Variants in ELMO1 observed in about 807,000 individuals in gnomAD.
ELMO1 encodes engulfment and cell motility 1, also known as engulfment and cell motility protein 1.
A neutral mutation model predicts 98.9 loss-of-function variants in ELMO1; 26 were observed. The ratio of observed to expected loss-of-function variants is 0.26; its 90% CI spans 0.19 to 0.36. The LOEUF is 0.36. Ranked by LOEUF, ELMO1 falls within the 10% of genes least tolerant of loss-of-function variation. The probability of loss-of-function intolerance (pLI) is 1.00; values close to 1 mark genes in which losing one functional copy is unlikely to be tolerated. For synonymous variants in ELMO1, 346 were observed against 346.0 expected (o/e 1.00, Z 0.00); for missense variants, 627 against 935.2 (o/e 0.67, Z 4.30).
intron 4 of ELMO1, among the ~76,000 whole-genome samples, chr7:37,305,542 C>G (rs1046908372): frequency 2.0e-5 from 3 of 151,994 alleles, no homozygotes; most frequent in Admixed American, 6.6e-5. Context: ...CTTTTTAACA[C>G]CATTTTAAGA....
At chr7:37,145,736 A>G (rs888244532) in intron 13 of ELMO1, among the ~76,000 whole-genome samples, 1 of 152,264 alleles carries the variant, frequency 6.6e-6, no homozygotes. Context: ...TTCAGGAGTT[A>G]ATATTTGTGT....
chr7:37,389,620 G>A (rs894277286), intron 1 of ELMO1, among the ~76,000 whole-genome samples: 2 of 152,172 alleles, frequency 1.3e-5, no homozygotes, highest in Non-Finnish European at 2.9e-5. Context: ...CTGCCACACT[G>A]TGGAGCATGA....
At chr7:36,921,896 T>G (rs1229169657) in intron 16 of ELMO1, among the ~76,000 whole-genome samples, 1 of 152,138 alleles carries the variant, frequency 6.6e-6, no homozygotes, top group Non-Finnish European at 1.5e-5. Context: ...TACCTAAGAG[T>G]GGTAAGACCC....
intron 15 of ELMO1, among the ~76,000 whole-genome samples, chr7:37,085,275 C>A (rs905601422): frequency 6.6e-6 from 1 of 152,170 alleles, no homozygotes; most frequent in African/African-American, 2.4e-5. Flanking sequence ...CTGTAGGAAG[C>A]CACAGTGTCT....
At chr7:37,334,404 C>G (rs1160912832) in intron 2 of ELMO1, among the ~76,000 whole-genome samples, 1 of 152,146 alleles carries the variant, frequency 6.6e-6, no homozygotes, top group Non-Finnish European at 1.5e-5. Flanking sequence ...CAGGATTGCA[C>G]CATCGCACTC....
chr7:37,298,459 C>T (rs1798173633), intron 4 of ELMO1, among the ~76,000 whole-genome samples: 1 of 145,324 alleles, frequency 6.9e-6, no homozygotes, highest in Non-Finnish European at 1.5e-5. Context: ...CTCCCTCCCC[C>T]GACCCCACCA....
chr7:37,192,939 A>G (rs1221827138), intron 13 of ELMO1, among the ~76,000 whole-genome samples: 1 of 144,034 alleles, frequency 6.9e-6, no homozygotes, highest in Non-Finnish European at 1.5e-5. Context: ...ATTTATATAT[A>G]GATACATATA....
At chr7:37,096,508 G>T in intron 15 of ELMO1, 111 bp downstream of exon 15, 2 of 828,622 alleles carry the variant, frequency 2.4e-6, no homozygotes, top group South Asian at 3.0e-5. Context: ...CCACAGTGAT[G>T]ACCGTAAGAA....
intron 14 of ELMO1, among the ~76,000 whole-genome samples, chr7:37,102,624 C>T (rs1784700295): frequency 6.6e-6 from 1 of 152,228 alleles, no homozygotes; most frequent in Non-Finnish European, 1.5e-5. Flanking sequence ...ATTTCTCTCC[C>T]AGGCCTTCTT....
chr7:36,995,038 C>T (rs889662476), intron 16 of ELMO1, among the ~76,000 whole-genome samples: 3 of 152,108 alleles, frequency 2.0e-5, no homozygotes, highest in African/African-American at 7.2e-5. Context: ...CAGTTCCACA[C>T]CCACAAAATT....
At chr7:37,009,416 A>C (rs1298024914) in intron 16 of ELMO1, among the ~76,000 whole-genome samples, 7 of 152,224 alleles carry the variant, frequency 4.6e-5, no homozygotes, top group African/African-American at 1.7e-4. Flanking sequence ...TATATAAATA[A>C]AAAACATTCC....
intron 13 of ELMO1, among the ~76,000 whole-genome samples, chr7:37,149,836 T>C (rs912175633): frequency 6.6e-6 from 1 of 152,226 alleles, no homozygotes; most frequent in African/African-American, 2.4e-5. Flanking sequence ...GAAATGCTAA[T>C]ATTTTGCTCC....
chr7:37,417,374 A>C (rs1325009658), intron 1 of ELMO1, among the ~76,000 whole-genome samples: 1 of 152,150 alleles, frequency 6.6e-6, no homozygotes, highest in Non-Finnish European at 1.5e-5. Flanking sequence ...AAAAAATGCA[A>C]AAATTGGCCA....
intron 5 of ELMO1, among the ~76,000 whole-genome samples, chr7:37,260,201 A>G (rs1279076229): frequency 6.6e-6 from 1 of 152,256 alleles, no homozygotes; most frequent in South Asian, 2.1e-4. Context: ...CTTAATACAG[A>G]TAACCAAGTT....
intron 5 of ELMO1, among the ~76,000 whole-genome samples, chr7:37,267,024 A>T (rs1243330569): frequency 1.1e-4 from 12 of 108,716 alleles, no homozygotes; most frequent in African/African-American, 4.3e-4. Context: ...AAAAAAAAAA[A>T]AAATATGTAT....
chr7:37,228,473 C>T (rs964826131), intron 8 of ELMO1, among the ~76,000 whole-genome samples: 4 of 152,100 alleles, frequency 2.6e-5, no homozygotes, highest in African/African-American at 9.7e-5. Flanking sequence ...TACAGCTTCT[C>T]GAAAGTAGGC....
At chr7:37,163,443 C>T (rs1789377964) in intron 13 of ELMO1, among the ~76,000 whole-genome samples, 1 of 152,040 alleles carries the variant, frequency 6.6e-6, no homozygotes, top group African/African-American at 2.4e-5. Flanking sequence ...GCTGCACCCA[C>T]TAACTCGTCA....
chr7:37,406,591 G>A (rs1251701063), intron 1 of ELMO1, among the ~76,000 whole-genome samples: 2 of 151,778 alleles, frequency 1.3e-5, no homozygotes, highest in East Asian at 1.9e-4. Context: ...CATCACGCCC[G>A]GATAATTTTT....
At chr7:37,349,217 A>T (rs1294441200) in intron 1 of ELMO1, among the ~76,000 whole-genome samples, 1 of 152,210 alleles carries the variant, frequency 6.6e-6, no homozygotes, top group Non-Finnish European at 1.5e-5. Context: ...CCGCTAAGTC[A>T]TTATCTACTG....
Sources: allele counts gnomAD v4.1 joint callset (sites outside exome capture counted in the v4.1 genomes callset), GRCh38; gene constraint gnomAD v4.1.1; transcripts MANE v1.5; gene names NCBI Gene and HGNC (gene_info 2026-07-23, HGNC 2026-07-21).